Variants in MTFR2 observed in about 807,000 individuals in gnomAD.
The protein encoded by MTFR2 is mitochondrial fission regulator 2.
In MTFR2, 44 loss-of-function variants were observed where a neutral mutation model predicts 41.2. The ratio of observed to expected loss-of-function variants is 1.07; its 90% CI spans 0.84 to 1.37. The LOEUF (loss-of-function observed/expected upper bound fraction) is 1.37. Among genes scored for constraint, MTFR2 ranks in the 40% most tolerant of loss-of-function variants. The pLI is 0.00. For missense variants in MTFR2, 452 were observed against 459.5 expected (o/e 0.98, Z 0.15); for synonymous variants, 141 against 154.6 (o/e 0.91, Z 0.65).
chr6:136,250,150 T>C lies in MTFR2; in HGVS notation c.-229A>G. 6.5e-6 allele frequency: 1 copy of C among 152,780 alleles called. No individual in the cohort carries two copies. Among genetic ancestry groups the C allele is most frequent in the African/African-American group, 2.4e-5 (1 of 41,444 alleles). The allele number at this position is 152,780 out of a possible 1,614,324, so 9.5% of individuals were successfully genotyped here. ...GGCTTGCAGCCACAGGCGGTAACGA[T>C]GCCCTCAGCGAGGAATAAGAGGTCA... On this transcript the variant is annotated 5_prime_UTR_variant, in exon 1 of 8. Coordinates refer to ENST00000420702, the MANE Select transcript of MTFR2 (RefSeq NM_001099286.3).
At chr6:136,240,957 G>A (rs190049094) in intron 5 of MTFR2, among the ~76,000 whole-genome samples, 68 of 152,264 alleles carry the variant, frequency 4.5e-4, no homozygotes, top group East Asian at 3.3e-3. Context: ...CGAGCGTGGT[G>A]GCGGGCGCCT....
intron 2 of MTFR2, among the ~76,000 whole-genome samples, chr6:136,248,233 A>G (rs1284939936): frequency 6.6e-6 from 1 of 152,232 alleles, no homozygotes; most frequent in Non-Finnish European, 1.5e-5. Context: ...TGCAGAAACA[A>G]GCATATTGTC....
Position 136,239,683 on chromosome 6 carries a change from A to T in MTFR2, c.652T>A (p.Phe218Ile), listed in dbSNP as rs1411352876. ...PPPPPPLPPQ[F>I]SSLQPPCFPP... ...AAACACGGTGGCTGGAGAGATGAAA[A>T]CTGAGGAGGAAGTGGTGGAGGAGGA... The change falls in exon 6 of 8, where the codon TTT becomes ATT. Residue 218 changes from phenylalanine (F) to isoleucine (I), a missense_variant. By Grantham distance (21) the Phe-to-Ile change is conservative. Transcript: ENST00000420702. 6.2e-7 allele frequency: 1 copy of T among 1,613,924 alleles called. No individual in the cohort carries two copies. The highest frequency in any genetic ancestry group is 8.5e-7 in the Non-Finnish European group (1 of 1,180,002).
At chr6:136,249,879 A>G (rs1780318561) in intron 1 of MTFR2, 97 bp downstream of exon 1, 1 of 152,062 alleles carries the variant, frequency 6.6e-6, no homozygotes, top group Non-Finnish European at 1.5e-5. Flanking sequence ...TTGGTCACCC[A>G]TCTAGTAACA....
intron 2 of MTFR2, among the ~76,000 whole-genome samples, chr6:136,245,383 T>C (rs1469776011): frequency 6.6e-6 from 1 of 152,208 alleles, no homozygotes; most frequent in Non-Finnish European, 1.5e-5. Context: ...AAGTGAAATA[T>C]ATCTGCTGGC....
intron 1 of MTFR2, 74 bp downstream of exon 1, chr6:136,249,902 A>T (rs1780319277): frequency 6.6e-6 from 1 of 152,162 alleles, no homozygotes; most frequent in Admixed American, 6.5e-5. Flanking sequence ...CCGTGACCAG[A>T]GCCGGATCGC....
In MTFR2 at chr6:136,250,283, G is replaced by C. The variant is rs564033812; in HGVS notation, c.-362C>G. The C allele has an allele frequency of 2.6e-5, 4 of 152,628 alleles. No individual in the cohort carries two copies. The highest frequency in any genetic ancestry group is 4.1e-4 in the South Asian group (2 of 4,822). 9.5% of individuals were successfully genotyped at this position (152,628 alleles called of 1,614,324 possible). On this transcript the variant is annotated 5_prime_UTR_variant, in exon 1 of 8. Transcript: ENST00000420702. ...ACCCACCTGCTAGTCCCTAGGACCG[G>C]ACTGCTACTTCCGCATGACAGGACT...
At chr6:136,243,083 G>A in intron 3 of MTFR2, 110 bp from the exon 4 acceptor site, 1 of 624,038 alleles carries the variant, frequency 1.6e-6, no homozygotes. Context: ...AAAATAAAAA[G>A]AATATTCAAT....
At chr6:136,247,494 T>C (rs763791383) in intron 2 of MTFR2, 2 of 456,302 alleles carry the variant, frequency 4.4e-6, no homozygotes, top group Middle Eastern at 3.3e-4. Flanking sequence ...CTCTCTCATG[T>C]GGATCTTAAA....
chr6:136,247,770 G>T (rs997123419), intron 2 of MTFR2, among the ~76,000 whole-genome samples: 1 of 152,150 alleles, frequency 6.6e-6, no homozygotes, highest in African/African-American at 2.4e-5. Context: ...CAAATGTTCA[G>T]CTGTTATCTT....
In MTFR2 at chr6:136,241,624, G is replaced by A. The variant is rs147722462; in HGVS notation, c.334C>T (p.Arg112Ter). 2.5e-5 allele frequency: 41 copies of A among 1,613,306 alleles called. No homozygotes were observed. Among genetic ancestry groups the A allele is most frequent in the South Asian group, 1.2e-4 (11 of 90,854 alleles). Residue 112 changes from arginine (R) to a stop codon, truncating the protein, a stop_gained, in exon 5 of 8, where the codon CGA (arginine) becomes TGA (stop). Transcript: ENST00000420702. LOFTEE classifies it high-confidence loss of function. ...EEKVEIFHPL[R>*]LVRDPLSPAV... is the part of the protein sequence containing the mutation. ...GGTGACAGTGGATCCCGAACTAGTC[G>A]CAAAGGATGAAAAATTTCCACTTTC...
At chr6:136,246,796 A>G (rs1780222944) in intron 2 of MTFR2, among the ~76,000 whole-genome samples, 1 of 152,214 alleles carries the variant, frequency 6.6e-6, no homozygotes, top group African/African-American at 2.4e-5. Flanking sequence ...TAGGAAAAAA[A>G]AATCACAAAA....
intron 5 of MTFR2, among the ~76,000 whole-genome samples, chr6:136,240,951 C>T (rs551080600): frequency 1.2e-3 from 187 of 152,100 alleles, no homozygotes; most frequent in Admixed American, 1.7e-3. Flanking sequence ...ATTAGCCGAG[C>T]GTGGTGGCGG....
At chr6:136,240,856 C>T (rs1216655676) in intron 5 of MTFR2, among the ~76,000 whole-genome samples, 6 of 152,114 alleles carry the variant, frequency 3.9e-5, no homozygotes, top group Non-Finnish European at 4.4e-5. Context: ...CTTTGGGAGG[C>T]CAAGGCGGGC....
At chr6:136,245,417 G>T (rs1241399524) in intron 2 of MTFR2, among the ~76,000 whole-genome samples, 1 of 152,148 alleles carries the variant, frequency 6.6e-6, no homozygotes, top group Non-Finnish European at 1.5e-5. Flanking sequence ...AAAGGCATTA[G>T]AAGTAATAAT....
intron 1 of MTFR2, among the ~76,000 whole-genome samples, chr6:136,249,608 G>C (rs1780309356): frequency 6.6e-6 from 1 of 152,116 alleles, no homozygotes. Flanking sequence ...GTCAAGGGTG[G>C]GGCCAGGTGA....
Position 136,239,483 on chromosome 6 carries a change from C to G in MTFR2, c.852G>C (p.Lys284Asn). The change falls in exon 6 of 8, where the codon AAG becomes AAC. Residue 284 changes from lysine to asparagine, a missense_variant. Coordinates refer to ENST00000420702, the MANE Select transcript of MTFR2 (RefSeq NM_001099286.3). ...LDVLKDMNKV[K>N]LRAIERSPGG... ...CAACATACCGCTCAATTGCACGAAGCTTAACCTTATTCATATCCTTTAGAA... is the reference window on the plus strand; with the variant it reads ...CAACATACCGCTCAATTGCACGAAGGTTAACCTTATTCATATCCTTTAGAA... 6.2e-7 allele frequency: 1 copy of G among 1,608,280 alleles called. No homozygotes were observed. Among genetic ancestry groups the G allele is most frequent in the East Asian group, 2.2e-5 (1 of 44,744 alleles).
chr6:136,231,256 G>C lies in MTFR2; in HGVS notation c.*19C>G, dbSNP rs746483201. The C allele has an allele frequency of 3.4e-6, 5 of 1,487,648 alleles. No homozygotes were observed. The Admixed American group carries it at 8.8e-5, about 26-fold the overall frequency. 92.2% of individuals were successfully genotyped at this position (1,487,648 alleles called of 1,614,324 possible). On this transcript the variant is annotated 3_prime_UTR_variant, in exon 8 of 8. Coordinates refer to ENST00000420702, the MANE Select transcript of MTFR2 (RefSeq NM_001099286.3). The stretch of plus-strand genomic sequence containing the variant: ...CAGGAAGAAGTTTTGGAAGTTTAAA[G>C]CTCAACCTTAAGTTGAGTTTAAATC...
At chr6:136,238,846 C>T (rs1583964119) in intron 6 of MTFR2, among the ~76,000 whole-genome samples, 2 of 152,114 alleles carry the variant, frequency 1.3e-5, no homozygotes, top group Admixed American at 6.5e-5. Flanking sequence ...ATGGGCAGAT[C>T]GCTTGAGCTC....
Sources: allele counts gnomAD v4.1 joint callset (sites outside exome capture counted in the v4.1 genomes callset), GRCh38; gene constraint gnomAD v4.1.1; transcripts MANE v1.5; gene names NCBI Gene and HGNC (gene_info 2026-07-23, HGNC 2026-07-21).